The following ZNF365 variants were observed in gnomAD, a reference collection of about 807,000 sequenced individuals.
ZNF365 encodes protein ZNF365.
Under a neutral mutation model 35.0 loss-of-function variants are expected in ZNF365, and 22 were observed. That is an observed-to-expected ratio of 0.63 (90% CI 0.45 to 0.90). The LOEUF (loss-of-function observed/expected upper bound fraction) is 0.90, where lower values mean the gene tolerates loss of function less well. Among genes scored for constraint, ZNF365 ranks in the 40% least tolerant of loss-of-function variants. The pLI is 0.00. For missense variants in ZNF365, 448 were observed against 500.3 expected, an observed-to-expected ratio of 0.90 and a Z score of 1.00; for synonymous variants, 188 against 196.2, an observed-to-expected ratio of 0.96 and a Z score of 0.35.
In ZNF365 at chr10:62,429,672, C is replaced by T. The variant is rs550488675; in HGVS notation, c.925-30069C>T. ...TACCACCAAATGTCATTTATTCTAA[C>T]TTCTTGGGCAATTTCAGTAATTGAA... is the stretch of plus-strand genomic sequence containing the variant. On this transcript the variant is annotated intron_variant, in intron 3 of 4. Transcript: ENST00000395255. 9.2e-5 allele frequency among the ~76,000 whole-genome samples: 14 copies of T among 152,258 alleles called. No individual in the cohort carries two copies. In the South Asian group the frequency reaches 2.9e-3, roughly 32 times the overall value.
intron 4 of ZNF365, among the ~76,000 whole-genome samples, chr10:62,465,000 C>T (rs1840915089): frequency 6.6e-6 from 1 of 152,202 alleles, no homozygotes; most frequent in Admixed American, 6.5e-5. Flanking sequence ...GGGATGGGAG[C>T]CTGTGCTCCC....
chr10:62,479,807 T>G (rs1402196854), intron 4 of ZNF365: 2 of 1,096,150 alleles, frequency 1.8e-6, no homozygotes, highest in African/African-American at 3.1e-5. Flanking sequence ...CTTCTTTTTT[T>G]GACTATTGTT....
At chr10:62,418,885 T>C (rs1564582070) in intron 3 of ZNF365, among the ~76,000 whole-genome samples, 2 of 104,788 alleles carry the variant, frequency 1.9e-5, no homozygotes, top group Non-Finnish European at 4.3e-5. Flanking sequence ...AAAATAATCC[T>C]TATGCCAATG....
chr10:62,388,567 C>T lies in ZNF365; in HGVS notation c.915C>T (p.Ser305=), dbSNP rs200153426. The change falls in exon 3 of 5, where the codon AGC becomes AGT. Residue 305 remains serine (S), a synonymous_variant. Coordinates refer to ENST00000395254, the MANE Select transcript of ZNF365 (RefSeq NM_014951.3). ...QQASGFVRDL[S]GHVLTDISSN... ...CCTCTGGCTTTGTCCGTGATCTCAG[C>T]GGGCACGTGGTGAGTCACCCCGGGC... 59 of 1,613,676 alleles carry T rather than the reference C, an allele frequency of 3.7e-5. No homozygotes were observed. In the East Asian group the frequency reaches 4.5e-4, roughly 12 times the overall value.
intron 4 of ZNF365, among the ~76,000 whole-genome samples, chr10:62,460,798 T>G (rs1421587740): frequency 6.6e-6 from 1 of 152,142 alleles, no homozygotes; most frequent in Admixed American, 6.5e-5. Flanking sequence ...TTCATTGGTT[T>G]GGCTAAATTC....
intron 3 of ZNF365, among the ~76,000 whole-genome samples, chr10:62,452,051 C>T (rs7094985): frequency 0.44 from 66,849 of 152,068 alleles, 17,588 homozygotes; most frequent in Middle Eastern, 0.61. Flanking sequence ...AACTGAATTT[C>T]GGGGAAGTTG....
At chr10:62,468,913 G>C (rs1031611641) in intron 4 of ZNF365, among the ~76,000 whole-genome samples, 6 of 152,220 alleles carry the variant, frequency 3.9e-5, no homozygotes, top group Admixed American at 3.3e-4. Flanking sequence ...ACCTTTCAAT[G>C]GGAATTGTAA....
intron 3 of ZNF365, among the ~76,000 whole-genome samples, chr10:62,397,571 A>G (rs1487684250): frequency 6.6e-6 from 1 of 152,246 alleles, no homozygotes; most frequent in Non-Finnish European, 1.5e-5. Flanking sequence ...TGACATCTCT[A>G]TCACAAAATG....
At position 62,400,539 on chromosome 10, in the gene ZNF365, T is replaced by C; in HGVS notation, c.*750T>C. Reference sequence around the variant, plus strand: ...CAGCCTCTATCTTAATAGCTGCTTCTGTGGATATGGCTGGGGAGCGAAGTA... The same window carrying C: ...CAGCCTCTATCTTAATAGCTGCTTCCGTGGATATGGCTGGGGAGCGAAGTA... On this transcript the variant is annotated 3_prime_UTR_variant, in exon 5 of 5. Coordinates refer to ENST00000395254, the MANE Select transcript of ZNF365 (RefSeq NM_014951.3). 1.0e-6 allele frequency: 1 copy of C among 986,060 alleles called. No individual in the cohort carries two copies. The highest frequency in any genetic ancestry group is 1.2e-6 in the Non-Finnish European group (1 of 829,960). The allele number at this position is 986,060 out of a possible 1,614,324, so 61.1% of individuals were successfully genotyped here. A position where few individuals can be genotyped will look rare whatever the true frequency, so the allele number is the denominator to read the frequency against.
intron 4 of ZNF365, among the ~76,000 whole-genome samples, chr10:62,460,304 A>G (rs537527379): frequency 1.2e-4 from 19 of 152,348 alleles, no homozygotes; most frequent in African/African-American, 4.3e-4. Flanking sequence ...TTTATGTGCC[A>G]GGGATGCATT....
intron 4 of ZNF365, among the ~76,000 whole-genome samples, chr10:62,470,567 A>G (rs758800291): frequency 2.6e-5 from 4 of 152,254 alleles, no homozygotes; most frequent in Non-Finnish European, 5.9e-5. Context: ...TAGGTTAGAT[A>G]CAAATCTCAG....
At chr10:62,460,812 G>A (rs1190023895) in intron 4 of ZNF365, among the ~76,000 whole-genome samples, 1 of 152,070 alleles carries the variant, frequency 6.6e-6, no homozygotes, top group Non-Finnish European at 1.5e-5. Context: ...TAAATTCTGG[G>A]GCAGCATTGG....
At chr10:62,422,098 G>A (rs1840177946) in intron 3 of ZNF365, among the ~76,000 whole-genome samples, 1 of 152,100 alleles carries the variant, frequency 6.6e-6, no homozygotes, top group Non-Finnish European at 1.5e-5. Flanking sequence ...GCAGCATGTT[G>A]GTCCATTATA....
At chr10:62,384,185 A>G (rs1463405572) in intron 2 of ZNF365, among the ~76,000 whole-genome samples, 1 of 151,322 alleles carries the variant, frequency 6.6e-6, no homozygotes, top group African/African-American at 2.4e-5. Flanking sequence ...TTTCCCCAAC[A>G]CTGGTCTGCA....
Position 62,402,311 on chromosome 10 carries a change from A to G in ZNF365, c.*2522A>G. 1.0e-6 allele frequency: 1 copy of G among 985,628 alleles called. No individual in the cohort carries two copies. Among genetic ancestry groups the G allele is most frequent in the Non-Finnish European group, 1.2e-6 (1 of 829,928 alleles). The allele number at this position is 985,628 out of a possible 1,614,324, so 61.1% of individuals were successfully genotyped here. ...ACTAGGTTACAGGTTCTTATCTGCA[A>G]GGTTCAAGTTGCTTAGACATTGTTT... On this transcript the variant is annotated 3_prime_UTR_variant, in exon 5 of 5. Transcript: ENST00000395254.
chr10:62,428,639 T>C (rs1302748947), intron 3 of ZNF365, among the ~76,000 whole-genome samples: 1 of 152,168 alleles, frequency 6.6e-6, no homozygotes, highest in Non-Finnish European at 1.5e-5. Context: ...AGCGGACTAA[T>C]ACAGGTCCAT....
chr10:62,376,003 C>A, intron 1 of ZNF365, 178 bp from the exon 2 acceptor site: 1 of 609,198 alleles, frequency 1.6e-6, no homozygotes, highest in Non-Finnish European at 2.8e-6. Flanking sequence ...GTAAATAATG[C>A]AGAAATTGAT....
chr10:62,455,106 T>G (rs982185649), intron 3 of ZNF365, among the ~76,000 whole-genome samples: 1 of 152,184 alleles, frequency 6.6e-6, no homozygotes, highest in Admixed American at 6.5e-5. Flanking sequence ...TGCCTTGGAC[T>G]GGGCAGTTAA....
chr10:62,460,384 A>C (rs1326042210), intron 4 of ZNF365, among the ~76,000 whole-genome samples: 5 of 152,260 alleles, frequency 3.3e-5, no homozygotes, highest in African/African-American at 1.2e-4. Flanking sequence ...TTATAAATAC[A>C]TACCTGTGAT....
Sources: allele counts gnomAD v4.1 joint callset (sites outside exome capture counted in the v4.1 genomes callset), GRCh38; gene constraint gnomAD v4.1.1; transcripts MANE v1.5; gene names NCBI Gene and HGNC (gene_info 2026-07-23, HGNC 2026-07-21).